The following TMC1 variants were observed in gnomAD, a reference collection of about 807,000 sequenced individuals.
TMC1 encodes the protein transmembrane channel like 1, also known as transmembrane channel-like protein 1.
A neutral mutation model predicts 105.8 loss-of-function variants in TMC1; 84 were observed. That is an observed-to-expected ratio of 0.79 (90% CI 0.67 to 0.95). The LOEUF (loss-of-function observed/expected upper bound fraction) is 0.95, where lower values mean the gene tolerates loss of function less well. Ranked by LOEUF, TMC1 falls within the 40% of genes least tolerant of loss-of-function variation. The pLI is 0.00. For missense variants in TMC1, 817 were observed against 914.1 expected (o/e 0.89, Z 1.37); for synonymous variants, 315 against 311.5 (o/e 1.01, Z -0.12).
intron 2 of TMC1, among the ~76,000 whole-genome samples, chr9:72,581,325 C>T (rs1306753694): frequency 6.6e-6 from 1 of 152,190 alleles, no homozygotes; most frequent in African/African-American, 2.4e-5. Context: ...ATTAATGCCA[C>T]TTTTCACAAG....
At chr9:72,552,956 G>A (rs908091862) in intron 1 of TMC1, among the ~76,000 whole-genome samples, 1 of 152,178 alleles carries the variant, frequency 6.6e-6, no homozygotes, top group Admixed American at 6.5e-5. Flanking sequence ...AGAATGTGCT[G>A]TGTAGCATTC....
chr9:72,819,671 A>C (rs1461584683), intron 19 of TMC1, among the ~76,000 whole-genome samples: 1 of 152,238 alleles, frequency 6.6e-6, no homozygotes, highest in East Asian at 1.9e-4. Flanking sequence ...AAGTTCAATT[A>C]TAGTGGAAAC....
intron 4 of TMC1, among the ~76,000 whole-genome samples, chr9:72,645,763 G>C (rs1825701374): frequency 6.6e-6 from 1 of 152,084 alleles, no homozygotes; most frequent in South Asian, 2.1e-4. Flanking sequence ...TTACAGTCTT[G>C]ATTTGGTTTC....
intron 2 of TMC1, among the ~76,000 whole-genome samples, chr9:72,601,098 G>T (rs1824802953): frequency 6.6e-6 from 1 of 152,018 alleles, no homozygotes. Flanking sequence ...ACTCTGGGAG[G>T]CTGAGGCAGG....
At chr9:72,684,541 T>G (rs1826345547) in intron 5 of TMC1, among the ~76,000 whole-genome samples, 1 of 152,232 alleles carries the variant, frequency 6.6e-6, no homozygotes, top group South Asian at 2.1e-4. Context: ...TACCCTCATT[T>G]TCTTTGTTAT....
intron 2 of TMC1, chr9:72,608,000 C>T (rs1055629936): frequency 6.6e-6 from 1 of 152,038 alleles, no homozygotes; most frequent in Non-Finnish European, 1.5e-5. Flanking sequence ...ATTTTAGCAA[C>T]AAAATAATGT....
chr9:72,744,214 C>A (rs1827448207), intron 10 of TMC1, among the ~76,000 whole-genome samples: 1 of 152,206 alleles, frequency 6.6e-6, no homozygotes, highest in Admixed American at 6.5e-5. Flanking sequence ...TTAATTTCCT[C>A]CTTAACACTT....
At chr9:72,779,507 A>G (rs1029838571) in intron 13 of TMC1, among the ~76,000 whole-genome samples, 2 of 152,172 alleles carry the variant, frequency 1.3e-5, no homozygotes, top group South Asian at 4.1e-4. Context: ...AATACGATGA[A>G]CCTAAGAATC....
intron 2 of TMC1, among the ~76,000 whole-genome samples, chr9:72,605,788 C>T (rs1285856905): frequency 2.0e-5 from 3 of 152,020 alleles, no homozygotes; most frequent in Non-Finnish European, 2.9e-5. Context: ...GTTGCCCAGG[C>T]TGGTCTCGAA....
At chr9:72,725,982 G>A (rs143966631) in intron 8 of TMC1, among the ~76,000 whole-genome samples, 1 of 152,232 alleles carries the variant, frequency 6.6e-6, no homozygotes, top group African/African-American at 2.4e-5. Flanking sequence ...GAGCCACCAC[G>A]CCCGGCCTCA....
intron 20 of TMC1, among the ~76,000 whole-genome samples, chr9:72,825,145 T>A (rs928042004): frequency 1.3e-5 from 2 of 152,180 alleles, no homozygotes; most frequent in Non-Finnish European, 2.9e-5. Context: ...ATAATTTGAA[T>A]GAATGAATGA....
chr9:72,612,039 T>C (rs1024947731), intron 2 of TMC1, among the ~76,000 whole-genome samples: 16 of 152,208 alleles, frequency 1.1e-4, no homozygotes, highest in African/African-American at 3.6e-4. Flanking sequence ...ATTTTGCCCT[T>C]GGGGAGCACT....
intron 11 of TMC1, among the ~76,000 whole-genome samples, chr9:72,753,026 T>C (rs990334483): frequency 6.6e-6 from 1 of 152,226 alleles, no homozygotes; most frequent in East Asian, 1.9e-4. Flanking sequence ...CTGATGTGAC[T>C]TAGCTAACAT....
At position 72,616,459 on chromosome 9, in the gene TMC1, A is replaced by C. The variant is rs1184470312; in HGVS notation, c.-214A>C. 6.6e-6 allele frequency: 1 copy of C among 151,982 alleles called. No individual in the cohort carries two copies. Among genetic ancestry groups the C allele is most frequent in the Non-Finnish European group, 1.5e-5 (1 of 68,018 alleles). The allele number at this position is 151,982 out of a possible 1,614,324, so 9.4% of individuals were successfully genotyped here. A position where few individuals can be genotyped will look rare whatever the true frequency, so the allele number is the denominator to read the frequency against. On this transcript the variant is annotated 5_prime_UTR_variant, in exon 3 of 24. The change abolishes an upstream ATG in the 5' untranslated region. Transcript: ENST00000297784. The stretch of plus-strand genomic sequence containing the variant: ...AGCTCTACTGTTTACTAGACATGAA[A>C]TGGGGAAATCTAAAATGAGTAAGTA...
At chr9:72,557,700 G>A (rs1339427168) in intron 1 of TMC1, among the ~76,000 whole-genome samples, 11 of 152,188 alleles carry the variant, frequency 7.2e-5, no homozygotes, top group Admixed American at 7.2e-4. Context: ...AGGGCCCTCT[G>A]AGTCAGCCTC....
At position 72,772,310 on chromosome 9, in the gene TMC1, G is replaced by A. The variant is rs1827940869; in HGVS notation, c.742-103G>A. On this transcript the variant is annotated intron_variant, in intron 12 of 23. Transcript: ENST00000297784. Reference sequence around the variant, plus strand: ...GGCTCATGTCAGAGCTGTGACCCAAGTTTGAAAATTAATGTCATTTTGTTA... The same window carrying A: ...GGCTCATGTCAGAGCTGTGACCCAAATTTGAAAATTAATGTCATTTTGTTA... The A allele has an allele frequency of 4.7e-6, 7 of 1,489,134 alleles. No homozygotes were observed. The South Asian group carries it at 8.0e-5, about 17-fold the overall frequency. The allele number at this position is 1,489,134 out of a possible 1,614,324, so 92.2% of individuals were successfully genotyped here.
chr9:72,540,557 C>T (rs1823657601), intron 1 of TMC1, among the ~76,000 whole-genome samples: 1 of 152,136 alleles, frequency 6.6e-6, no homozygotes, highest in Admixed American at 6.5e-5. Flanking sequence ...CCTTTCCGAT[C>T]TTTATCCTTG....
chr9:72,554,725 G>T lies in TMC1; in HGVS notation c.-427-23177G>T, dbSNP rs183806812. Among the ~76,000 whole-genome samples the T allele has an allele frequency of 3.6e-3, 544 of 152,172 alleles. 5 individuals are homozygous for T. The highest frequency in any genetic ancestry group is 0.013 in the African/African-American group (526 of 41,518). ...CCACTTTCTCATCTGTAAAATAAGG[G>T]GGTTGGATCGTGTGATTTATAAGGG... is the stretch of plus-strand genomic sequence containing the variant. On this transcript the variant is annotated intron_variant, in intron 1 of 23. Transcript: ENST00000297784.
chr9:72,811,358 T>C (rs983010556), intron 18 of TMC1, among the ~76,000 whole-genome samples: 2 of 152,090 alleles, frequency 1.3e-5, no homozygotes. Context: ...CAATGTAAGT[T>C]AATGTAATGT....
Sources: allele counts gnomAD v4.1 joint callset (sites outside exome capture counted in the v4.1 genomes callset), GRCh38; gene constraint gnomAD v4.1.1; transcripts MANE v1.5; gene names NCBI Gene and HGNC (gene_info 2026-07-23, HGNC 2026-07-21).